The following PSME4 variants were observed in gnomAD, a reference collection of about 807,000 sequenced individuals.
PSME4 encodes proteasome activator subunit 4.
In PSME4, 89 loss-of-function variants were observed where a neutral mutation model predicts 253.9. The ratio of observed to expected loss-of-function variants is 0.35; its 90% CI spans 0.30 to 0.42. The LOEUF (loss-of-function observed/expected upper bound fraction) is 0.42, where lower values mean the gene tolerates loss of function less well. PSME4 is among the 10% of genes least tolerant of loss of function. The pLI is 1.00. For synonymous variants in PSME4, 851 were observed against 759.2 expected, an observed-to-expected ratio of 1.12 and a Z score of -1.99; for missense variants, 2,014 against 2,195.2, an observed-to-expected ratio of 0.92 and a Z score of 1.65.
chr2:53,874,556 T>C, intron 42 of PSME4, 62 bp from the exon 43 acceptor site: 11 of 1,437,948 alleles, frequency 7.6e-6, no homozygotes, highest in East Asian at 2.3e-5. Flanking sequence ...AGATGACAGA[T>C]AGTGACATTA....
At chr2:53,893,250 T>C (rs2104428015) in intron 35 of PSME4, among the ~76,000 whole-genome samples, 1 of 152,164 alleles carries the variant, frequency 6.6e-6, no homozygotes, top group African/African-American at 2.4e-5. Context: ...TTTTTTTCCT[T>C]CTAATGCCAA....
intron 8 of PSME4, among the ~76,000 whole-genome samples, chr2:53,934,002 C>T (rs971717099): frequency 2.2e-4 from 33 of 151,948 alleles, no homozygotes; most frequent in African/African-American, 6.8e-4. Context: ...AACAAGCTAA[C>T]GTGTAAAACA....
At chr2:53,965,437 G>C (rs1255373870) in intron 1 of PSME4, among the ~76,000 whole-genome samples, 1 of 151,980 alleles carries the variant, frequency 6.6e-6, no homozygotes, top group Non-Finnish European at 1.5e-5. Flanking sequence ...TCACCATGTT[G>C]GCCAAGGAAC....
intron 3 of PSME4, chr2:53,942,277 C>T (rs1669488018): frequency 6.6e-6 from 1 of 152,378 alleles, no homozygotes. Context: ...GACTACATTT[C>T]ACTAATTTTT....
intron 27 of PSME4, 43 bp downstream of exon 27, chr2:53,903,981 AT>A: frequency 6.7e-7 from 1 of 1,502,788 alleles, no homozygotes; most frequent in Non-Finnish European, 9.1e-7. Context: ...GCTTTTCAGT[AT>A]GTTTGAAAAT....
Position 53,970,710 on chromosome 2 carries a change from G to T in PSME4, c.75C>A (p.Gly25=). 6.5e-7 allele frequency: 1 copy of T among 1,548,350 alleles called. No homozygotes were observed. Among genetic ancestry groups the T allele is most frequent in the Non-Finnish European group, 8.7e-7 (1 of 1,146,290 alleles). ...AGACGATCTCCTTCTGCGGGACGAA[G>T]CCCCGCGGGCCCGGCTCGGGACGCC... is the stretch of plus-strand genomic sequence containing the variant. ...PGGRPEPGPR[G]FVPQKEIVYN... Residue 25 remains glycine (G), a synonymous_variant, in exon 1 of 47, where the codon GGC becomes GGA. Transcript: ENST00000404125.
chr2:53,884,731 C>CA (rs2104421315), intron 41 of PSME4, among the ~76,000 whole-genome samples: 1 of 152,256 alleles, frequency 6.6e-6, no homozygotes, highest in South Asian at 2.1e-4. Context: ...ACTAGGCAGA[C>CA]AAAGCCTACA....
At chr2:53,962,969 C>A (rs1384781778) in intron 1 of PSME4, among the ~76,000 whole-genome samples, 1 of 150,648 alleles carries the variant, frequency 6.6e-6, no homozygotes, top group East Asian at 2.0e-4. Flanking sequence ...GAGATCGCGC[C>A]ACTGCACTCC....
intron 43 of PSME4, 51 bp downstream of exon 43, chr2:53,874,288 A>C (rs555040406): frequency 6.5e-7 from 1 of 1,540,702 alleles, no homozygotes; most frequent in Non-Finnish European, 8.8e-7. Flanking sequence ...GGGAACCATG[A>C]TGGTTTCTTT....
intron 20 of PSME4, among the ~76,000 whole-genome samples, chr2:53,918,034 G>A (rs1668134921): frequency 6.6e-6 from 1 of 152,102 alleles, no homozygotes; most frequent in African/African-American, 2.4e-5. Context: ...AGTTTTTGGA[G>A]TGAAAAAAAT....
Position 53,887,850 on chromosome 2 carries a change from GTACC to G in PSME4, c.4520+4_4520+7del. The G allele has an allele frequency of 6.3e-7, 1 of 1,588,674 alleles. No individual in the cohort carries two copies. The highest frequency in any genetic ancestry group is 8.6e-7 in the Non-Finnish European group (1 of 1,158,540). ...CGAGAGGTACACCACAGAGAAAACA[GTACC>G]TACCTTCCTATTCTTTCTCTGACAT... is the stretch of plus-strand genomic sequence containing the variant. On this transcript the variant is annotated splice_donor_5th_base_variant and intron_variant, in intron 39 of 46. Transcript: ENST00000404125.
chr2:53,883,935 TA>T (rs1188100268), intron 41 of PSME4, among the ~76,000 whole-genome samples: 4 of 152,188 alleles, frequency 2.6e-5, no homozygotes, highest in African/African-American at 9.6e-5. Context: ...TTATAAGTCT[TA>T]TAAGCATCTG....
chr2:53,919,367 T>C (rs910783437), intron 19 of PSME4, 121 bp from the exon 20 acceptor site: 2 of 1,301,490 alleles, frequency 1.5e-6, no homozygotes, highest in Non-Finnish European at 2.0e-6. Flanking sequence ...AAATAGCAAA[T>C]GTCTTCAGTT....
intron 1 of PSME4, among the ~76,000 whole-genome samples, chr2:53,953,975 C>T (rs967087264): frequency 4.6e-5 from 7 of 152,196 alleles, no homozygotes; most frequent in South Asian, 4.1e-4. Context: ...CATTTCCAGC[C>T]GCTTCCTCCT....
At chr2:53,910,194 G>A in intron 20 of PSME4, 64 bp from the exon 21 acceptor site, 1 of 1,350,158 alleles carries the variant, frequency 7.4e-7, no homozygotes, top group Non-Finnish European at 1.1e-6. Context: ...AAAGGGAAAA[G>A]TTTCATTGCT....
intron 27 of PSME4, among the ~76,000 whole-genome samples, chr2:53,902,258 A>G (rs1362240975): frequency 6.6e-6 from 1 of 152,206 alleles, no homozygotes; most frequent in African/African-American, 2.4e-5. Flanking sequence ...ATATTAGTTA[A>G]CACCTGGTTG....
At chr2:53,926,163 G>A (rs1668547841) in intron 12 of PSME4, 140 bp from the exon 13 acceptor site, 1 of 611,424 alleles carries the variant, frequency 1.6e-6, no homozygotes, top group Non-Finnish European at 2.9e-6. Flanking sequence ...CACCATGCTA[G>A]ACTTCATCTA....
rs1424447494 is a variant in PSME4, at chr2:53,875,687, T to C, written c.4884A>G (p.Leu1628=). The C allele has an allele frequency of 5.6e-6, 9 of 1,612,990 alleles. No individual in the cohort carries two copies. Among genetic ancestry groups the C allele is most frequent in the Middle Eastern group, 1.6e-4 (1 of 6,078 alleles). The part of the protein sequence containing the change: ...LKRDAKLCLS[L]MSQGLLYPHQ... ...GAGGGTAAAGCAACCCCTGAGACATTAATGATAAACATAACTTTGCATCTC... is the reference window on the plus strand; with the variant it reads ...GAGGGTAAAGCAACCCCTGAGACATCAATGATAAACATAACTTTGCATCTC... Residue 1628 remains leucine, a synonymous_variant, in exon 42 of 47, where the codon TTA becomes TTG. Coordinates refer to ENST00000404125, the MANE Select transcript of PSME4 (RefSeq NM_014614.3).
chr2:53,901,665 A>C, intron 27 of PSME4, 106 bp from the exon 28 acceptor site: 3 of 807,242 alleles, frequency 3.7e-6, no homozygotes, highest in Non-Finnish European at 5.6e-6. Context: ...TGATTACTTA[A>C]ATGCTTAATA....
Sources: allele counts gnomAD v4.1 joint callset (sites outside exome capture counted in the v4.1 genomes callset), GRCh38; gene constraint gnomAD v4.1.1; transcripts MANE v1.5; gene names NCBI Gene and HGNC (gene_info 2026-07-23, HGNC 2026-07-21).